The following FGF7 variants were observed in gnomAD, a reference collection of about 807,000 sequenced individuals.
The protein encoded by FGF7 is FGF-7.
Under a neutral mutation model 20.5 loss-of-function variants are expected in FGF7, and 6 were observed. The ratio of observed to expected loss-of-function variants is 0.29; its 90% confidence interval spans 0.16 to 0.58. FGF7 has a LOEUF of 0.58. FGF7 is among the 20% of genes least tolerant of loss of function. FGF7 has a pLI of 0.90. For missense variants in FGF7, 144 were observed against 228.8 expected (o/e 0.63, Z 2.39); for synonymous variants, 64 against 74.7 (o/e 0.86, Z 0.74).
chr15:49,458,841 C>T (rs767947120), intron 2 of FGF7, among the ~76,000 whole-genome samples: 1 of 151,876 alleles, frequency 6.6e-6, no homozygotes, highest in Non-Finnish European at 1.5e-5. Flanking sequence ...AAAGTATTTC[C>T]CCCCTGCACC....
chr15:49,423,562 T>C (rs193188060), intron 1 of FGF7, 122 bp downstream of exon 1: 86 of 152,288 alleles, frequency 5.6e-4, no homozygotes, highest in African/African-American at 2.0e-3. Flanking sequence ...CATGTAACTA[T>C]AGTAATTATG....
intron 2 of FGF7, among the ~76,000 whole-genome samples, chr15:49,439,816 C>A (rs1343725185): frequency 6.6e-6 from 1 of 151,642 alleles, no homozygotes; most frequent in African/African-American, 2.4e-5. Context: ...TGCTTAAAAT[C>A]ACACTAATGG....
chr15:49,451,298 A>G (rs1056905479), intron 2 of FGF7, among the ~76,000 whole-genome samples: 5 of 152,102 alleles, frequency 3.3e-5, no homozygotes, highest in African/African-American at 4.8e-5. Context: ...TTTGTGAGAG[A>G]AGAAATTATA....
At chr15:49,433,188 C>A (rs568643644) in intron 2 of FGF7, among the ~76,000 whole-genome samples, 2 of 151,472 alleles carry the variant, frequency 1.3e-5, no homozygotes, top group East Asian at 3.9e-4. Context: ...AATACAGAGC[C>A]AGTAATGGTC....
rs2056526679 is a variant in FGF7 at position 49,487,790 on chromosome 15, A to C, written c.*3286A>C. ...TGTGATTTTTGCATCTTACTCCATA[A>C]TATATTTGTGGTTGCGTTAATATGA... On this transcript the variant is annotated 3_prime_UTR_variant, in exon 4 of 4. Transcript: ENST00000267843. The C allele has an allele frequency of 6.6e-6, 1 of 151,952 alleles. No individual in the cohort carries two copies. The highest frequency in any genetic ancestry group is 2.4e-5 in the African/African-American group (1 of 41,406). The allele number at this position is 151,952 out of a possible 1,614,324, so 9.4% of individuals were successfully genotyped here.
At chr15:49,473,359 A>G (rs567008768) in intron 2 of FGF7, among the ~76,000 whole-genome samples, 1 of 152,300 alleles carries the variant, frequency 6.6e-6, no homozygotes, top group African/African-American at 2.4e-5. Flanking sequence ...TATAAAGAAC[A>G]TTGAGTTAAA....
chr15:49,463,572 A>C (rs2053998306), intron 2 of FGF7, among the ~76,000 whole-genome samples: 1 of 140,970 alleles, frequency 7.1e-6, no homozygotes. Flanking sequence ...AAAAATATCC[A>C]AACTCAACTA....
At chr15:49,449,463 T>G (rs1201891170) in intron 2 of FGF7, among the ~76,000 whole-genome samples, 1 of 152,010 alleles carries the variant, frequency 6.6e-6, no homozygotes, top group Non-Finnish European at 1.5e-5. Context: ...TTCTCAGATT[T>G]TCACCACCCA....
Position 49,485,377 on chromosome 15 carries a change from A to G in FGF7, c.*873A>G, listed in dbSNP as rs926181021. 5 of 152,420 alleles carry G rather than the reference A, an allele frequency of 3.3e-5. No individual in the cohort carries two copies. The highest frequency in any genetic ancestry group is 9.7e-5 in the African/African-American group (4 of 41,420). 9.4% of individuals were successfully genotyped at this position (152,420 alleles called of 1,614,324 possible). On this transcript the variant is annotated 3_prime_UTR_variant, in exon 4 of 4. Transcript: ENST00000267843. ...TGGCTTTTAATAATGTTCTTCCCAC[A>G]AATAATCATGCTTTTTTCCTATGGT...
chr15:49,433,890 AC>A (rs1362403608), intron 2 of FGF7, among the ~76,000 whole-genome samples: 1 of 151,758 alleles, frequency 6.6e-6, no homozygotes, highest in African/African-American at 2.4e-5. Flanking sequence ...TGCATTAGAG[AC>A]AAAAAGAGAA....
intron 2 of FGF7, among the ~76,000 whole-genome samples, chr15:49,452,699 G>T (rs112231178): frequency 6.6e-6 from 1 of 152,090 alleles, no homozygotes; most frequent in Non-Finnish European, 1.5e-5. Flanking sequence ...AAATGAGTCA[G>T]TCTCTCTGAA....
intron 2 of FGF7, among the ~76,000 whole-genome samples, chr15:49,429,233 G>GGTA (rs1187079644): frequency 1.3e-5 from 2 of 151,954 alleles, no homozygotes; most frequent in African/African-American, 4.8e-5. Context: ...TTATAGACAA[G>GGTA]GTAGAATCTT....
chr15:49,445,504 T>A, intron 2 of FGF7, among the ~76,000 whole-genome samples: 1 of 151,570 alleles, frequency 6.6e-6, no homozygotes, highest in Non-Finnish European at 1.5e-5. Flanking sequence ...CAAACAGACC[T>A]TTTGCTTAAG....
chr15:49,438,107 C>T (rs1324758399), intron 2 of FGF7, among the ~76,000 whole-genome samples: 1 of 151,342 alleles, frequency 6.6e-6, no homozygotes, highest in Non-Finnish European at 1.5e-5. Flanking sequence ...TCAGGAGTAC[C>T]AAGTTCAAGA....
intron 2 of FGF7, among the ~76,000 whole-genome samples, chr15:49,454,299 T>C (rs1422977928): frequency 6.6e-6 from 1 of 152,164 alleles, no homozygotes; most frequent in East Asian, 1.9e-4. Context: ...GTCTCTCTTG[T>C]GCATTTTCTT....
chr15:49,443,223 T>G (rs2051842808), intron 2 of FGF7, among the ~76,000 whole-genome samples: 1 of 151,686 alleles, frequency 6.6e-6, no homozygotes, highest in Non-Finnish European at 1.5e-5. Flanking sequence ...TAGAATGAAA[T>G]AAATTACATT....
intron 2 of FGF7, among the ~76,000 whole-genome samples, chr15:49,429,244 G>A (rs1244158865): frequency 6.6e-6 from 1 of 151,988 alleles, no homozygotes; most frequent in Non-Finnish European, 1.5e-5. Context: ...GTAGAATCTT[G>A]TAGAACTGGT....
intron 2 of FGF7, among the ~76,000 whole-genome samples, chr15:49,473,506 G>A (rs1417182528): frequency 6.6e-6 from 1 of 151,978 alleles, no homozygotes; most frequent in Non-Finnish European, 1.5e-5. Context: ...AATGGGTCTG[G>A]CAATAAACAC....
intron 2 of FGF7, among the ~76,000 whole-genome samples, chr15:49,442,858 T>C (rs1199178021): frequency 6.6e-6 from 1 of 151,724 alleles, no homozygotes; most frequent in East Asian, 1.9e-4. Context: ...GTCACTACAA[T>C]TCACCAAATA....
Sources: allele counts gnomAD v4.1 joint callset (sites outside exome capture counted in the v4.1 genomes callset), GRCh38; gene constraint gnomAD v4.1.1; transcripts MANE v1.5; gene names NCBI Gene and HGNC (gene_info 2026-07-23, HGNC 2026-07-21).